The following RIT2 variants were observed in gnomAD, a reference collection of about 807,000 sequenced individuals.
RIT2 encodes Ras like without CAAX 2, also known as GTP-binding protein Rit2.
A neutral mutation model predicts 23.7 loss-of-function variants in RIT2; 24 were observed. The ratio of observed to expected loss-of-function variants is 1.01; its 90% CI spans 0.73 to 1.43. RIT2 has a LOEUF of 1.43. Ranked by LOEUF, RIT2 falls within the 40% of genes most tolerant of loss-of-function variation. The pLI is 0.00. For synonymous variants in RIT2, 107 were observed against 91.1 expected, an observed-to-expected ratio of 1.17 and a Z score of -0.99; for missense variants, 236 against 266.9, an observed-to-expected ratio of 0.88 and a Z score of 0.81.
At chr18:42,882,723 A>T (rs911742140) in intron 4 of RIT2, among the ~76,000 whole-genome samples, 1 of 152,164 alleles carries the variant, frequency 6.6e-6, no homozygotes, top group African/African-American at 2.4e-5. Flanking sequence ...GGGTAGTAGG[A>T]GGAATATGGT....
chr18:43,112,553 A>C (rs1412368914), intron 1 of RIT2, among the ~76,000 whole-genome samples: 1 of 152,170 alleles, frequency 6.6e-6, no homozygotes, highest in Non-Finnish European at 1.5e-5. Context: ...ATTTCAGTAA[A>C]GTTGCAAATT....
At chr18:42,776,572 C>T (rs1205063024) in intron 4 of RIT2, among the ~76,000 whole-genome samples, 2 of 152,082 alleles carry the variant, frequency 1.3e-5, no homozygotes, top group Non-Finnish European at 2.9e-5. Context: ...CAACCTGCTT[C>T]TTACATTTAT....
At chr18:42,952,562 G>A (rs140878234) in intron 3 of RIT2, among the ~76,000 whole-genome samples, 237 of 152,114 alleles carry the variant, frequency 1.6e-3, no homozygotes, top group African/African-American at 5.3e-3. Context: ...AAAAAAGAGC[G>A]TGGAAGGAAA....
intron 1 of RIT2, among the ~76,000 whole-genome samples, chr18:43,110,676 G>C (rs1377669104): frequency 6.6e-6 from 1 of 151,938 alleles, no homozygotes; most frequent in African/African-American, 2.4e-5. Context: ...GAACTTTATT[G>C]GATAATTTGT....
intron 4 of RIT2, among the ~76,000 whole-genome samples, chr18:42,793,252 A>G (rs1914082484): frequency 6.6e-6 from 1 of 152,214 alleles, no homozygotes; most frequent in Admixed American, 6.5e-5. Flanking sequence ...TTTTATCTAT[A>G]AAATGATACC....
At chr18:42,960,785 C>T (rs1568040275) in intron 3 of RIT2, among the ~76,000 whole-genome samples, 1 of 152,152 alleles carries the variant, frequency 6.6e-6, no homozygotes, top group Non-Finnish European at 1.5e-5. Context: ...AGTTTGTTGT[C>T]AGCAAATATA....
chr18:42,984,005 TTCTATATGTATCA>T (rs1352954500), intron 2 of RIT2, among the ~76,000 whole-genome samples: 1 of 152,120 alleles, frequency 6.6e-6, no homozygotes, highest in Non-Finnish European at 1.5e-5. Context: ...AACAATTGCA[TTCTATATGTATCA>T]TATAAAATAG....
chr18:43,064,231 A>G (rs1038994700), intron 1 of RIT2, among the ~76,000 whole-genome samples: 2 of 152,210 alleles, frequency 1.3e-5, no homozygotes, highest in East Asian at 3.9e-4. Context: ...CTTCGTAACT[A>G]CAGAAATCTC....
chr18:43,042,566 C>G (rs4405631), intron 1 of RIT2, among the ~76,000 whole-genome samples: 134,399 of 152,212 alleles, frequency 0.88, 60,054 homozygotes, highest in Non-Finnish European at 0.97. Flanking sequence ...GCCTTCTCTG[C>G]GAGGTGTTCT....
chr18:42,790,675 C>T (rs980982842), intron 4 of RIT2, among the ~76,000 whole-genome samples: 4 of 152,184 alleles, frequency 2.6e-5, no homozygotes, highest in South Asian at 2.1e-4. Context: ...GTGTGCCACC[C>T]GCCTCGGCCT....
intron 1 of RIT2, among the ~76,000 whole-genome samples, chr18:43,101,047 A>ATG (rs1309277733): frequency 1.3e-5 from 2 of 150,728 alleles, no homozygotes; most frequent in South Asian, 2.1e-4. Context: ...TGTATAATGT[A>ATG]TGTGTGTGTA....
intron 4 of RIT2, among the ~76,000 whole-genome samples, chr18:42,795,540 T>A (rs8099760): frequency 6.6e-6 from 1 of 152,042 alleles, no homozygotes; most frequent in Non-Finnish European, 1.5e-5. Flanking sequence ...CCTGTGCGCC[T>A]GAGCCTCCCG....
chr18:42,786,909 A>G (rs1913935397), intron 4 of RIT2, among the ~76,000 whole-genome samples: 1 of 152,142 alleles, frequency 6.6e-6, no homozygotes, highest in South Asian at 2.1e-4. Flanking sequence ...TCTGATTATC[A>G]TACCAGACCA....
intron 4 of RIT2, among the ~76,000 whole-genome samples, chr18:42,898,907 T>C (rs903824388): frequency 6.6e-6 from 1 of 152,184 alleles, no homozygotes; most frequent in Non-Finnish European, 1.5e-5. Flanking sequence ...TATGTCCTTT[T>C]CAGCGCCCCT....
intron 1 of RIT2, among the ~76,000 whole-genome samples, chr18:43,036,653 A>G (rs762620697): frequency 3.9e-5 from 6 of 152,174 alleles, no homozygotes; most frequent in Admixed American, 1.3e-4. Flanking sequence ...TTGTTGTATA[A>G]TTGAAAAAAG....
In RIT2 at chr18:42,853,243, T is replaced by C. The variant is rs188105334; in HGVS notation, c.426+70329A>G. The stretch of plus-strand genomic sequence containing the variant: ...GATATAAAAATGATCAAAAAGTAGA[T>C]CTATCTGCTAAGTCATTTGGGGTAT... On this transcript the variant is annotated intron_variant, in intron 4 of 4. Coordinates refer to ENST00000326695, the MANE Select transcript of RIT2 (RefSeq NM_002930.4). Among the ~76,000 whole-genome samples the C allele has an allele frequency of 8.5e-5, 13 of 152,302 alleles. No homozygotes were observed. In the East Asian group the frequency reaches 2.5e-3, roughly 29 times the overall value.
At chr18:43,023,024 C>A (rs902300956) in intron 2 of RIT2, among the ~76,000 whole-genome samples, 1 of 152,012 alleles carries the variant, frequency 6.6e-6, no homozygotes, top group African/African-American at 2.4e-5. Flanking sequence ...AAGACCAATG[C>A]AGTCGTGAAA....
At chr18:43,060,782 T>G (rs148014552) in intron 1 of RIT2, among the ~76,000 whole-genome samples, 63 of 152,270 alleles carry the variant, frequency 4.1e-4, no homozygotes, top group Non-Finnish European at 6.6e-4. Flanking sequence ...AAAACAGATC[T>G]TCTGCCTTTT....
At chr18:42,792,359 C>G (rs1914063250) in intron 4 of RIT2, among the ~76,000 whole-genome samples, 1 of 152,128 alleles carries the variant, frequency 6.6e-6, no homozygotes, top group African/African-American at 2.4e-5. Flanking sequence ...GGGGAAATAA[C>G]TGAACTATAA....
Sources: allele counts gnomAD v4.1 joint callset (sites outside exome capture counted in the v4.1 genomes callset), GRCh38; gene constraint gnomAD v4.1.1; transcripts MANE v1.5; gene names NCBI Gene and HGNC (gene_info 2026-07-23, HGNC 2026-07-21).